Variants in PLCH1 observed in about 807,000 individuals in gnomAD.
The protein encoded by PLCH1 is 1-phosphatidylinositol 4,5-bisphosphate phosphodiesterase eta-1.
PLCH1 carries 60 observed loss-of-function variants against 126.7 expected under a neutral mutation model. That is an observed-to-expected ratio of 0.47 (90% CI 0.38 to 0.59). The LOEUF is 0.59. Ranked by LOEUF, PLCH1 falls within the 20% of genes least tolerant of loss-of-function variation. The pLI, the probability that PLCH1 is intolerant of heterozygous loss-of-function variation, is 0.00. For synonymous variants in PLCH1, 719 were observed against 734.9 expected (o/e 0.98, Z 0.35); for missense variants, 1,723 against 2,040.0 (o/e 0.84, Z 2.99).
chr3:155,729,436 G>C (rs112039981), intron 1 of PLCH1, among the ~76,000 whole-genome samples: 2,984 of 152,310 alleles, frequency 0.02, 58 homozygotes, highest in Non-Finnish European at 0.031. Context: ...TGGAGAGTGG[G>C]ATGTTGCAGC....
chr3:155,730,880 G>A (rs1257693215), intron 1 of PLCH1, among the ~76,000 whole-genome samples: 3 of 152,172 alleles, frequency 2.0e-5, no homozygotes, highest in African/African-American at 7.2e-5. Context: ...AGAAGATGGA[G>A]GTGAATAATG....
intron 2 of PLCH1, among the ~76,000 whole-genome samples, chr3:155,620,107 T>TA (rs1309040392): frequency 1.3e-5 from 2 of 152,268 alleles, no homozygotes; most frequent in East Asian, 3.9e-4. Flanking sequence ...AAATCGTTTT[T>TA]AAAAAATAGT....
At chr3:155,670,486 G>T (rs1452483947) in intron 2 of PLCH1, among the ~76,000 whole-genome samples, 1 of 152,154 alleles carries the variant, frequency 6.6e-6, no homozygotes, top group African/African-American at 2.4e-5. Context: ...CAGATCGATA[G>T]AAATAATCAT....
intron 2 of PLCH1, among the ~76,000 whole-genome samples, chr3:155,640,753 A>G (rs1279290283): frequency 6.6e-6 from 1 of 152,318 alleles, no homozygotes; most frequent in East Asian, 1.9e-4. Context: ...CCATGATTAT[A>G]TAATATATAT....
At position 155,497,618 on chromosome 3, in the gene PLCH1, C is replaced by G. The variant is rs140798532; in HGVS notation, c.1797-201G>C. 9.4e-3 allele frequency among the ~76,000 whole-genome samples: 1,428 copies of G among 152,346 alleles called. 11 individuals carry two copies. The highest frequency in any genetic ancestry group is 0.016 in the Non-Finnish European group (1,122 of 68,030). On this transcript the variant is annotated intron_variant, in intron 14 of 22. Transcript: ENST00000460012. ...ACAAAATCCTACTACAGTAGTCCCC[C>G]CTTATCCTCACTTTCCCTTTCCAGA...
At chr3:155,483,301 T>C in intron 22 of PLCH1, 3 of 1,319,792 alleles carry the variant, frequency 2.3e-6, no homozygotes, top group Non-Finnish European at 2.1e-6. Flanking sequence ...TAATATTCAT[T>C]GTCAAAAAAA....
intron 13 of PLCH1, 34 bp from the exon 14 acceptor site, chr3:155,500,828 C>T: frequency 7.5e-7 from 1 of 1,331,802 alleles, no homozygotes. Context: ...TTAACAAACT[C>T]ATTGTATCAA....
At chr3:155,631,122 C>T (rs1401258290) in intron 2 of PLCH1, among the ~76,000 whole-genome samples, 3 of 152,076 alleles carry the variant, frequency 2.0e-5, no homozygotes, top group African/African-American at 7.2e-5. Context: ...GTCACCTTTG[C>T]CTGACTTACA....
At chr3:155,624,744 G>T (rs974235643) in intron 2 of PLCH1, among the ~76,000 whole-genome samples, 1 of 152,096 alleles carries the variant, frequency 6.6e-6, no homozygotes, top group Non-Finnish European at 1.5e-5. Context: ...AATAAGACAG[G>T]ATACAAACAA....
intron 2 of PLCH1, among the ~76,000 whole-genome samples, chr3:155,661,107 G>A (rs1025497796): frequency 6.6e-5 from 10 of 152,210 alleles, no homozygotes; most frequent in African/African-American, 2.4e-4. Context: ...TGGTGGTCTA[G>A]TGGTTAGGAT....
chr3:155,687,975 T>C (rs1309052885), intron 2 of PLCH1, among the ~76,000 whole-genome samples: 1 of 152,186 alleles, frequency 6.6e-6, no homozygotes, highest in Admixed American at 6.5e-5. Flanking sequence ...TACCATACAG[T>C]GAAATCCTTA....
chr3:155,724,953 T>C lies in PLCH1; in HGVS notation c.-41+19887A>G, dbSNP rs539244891. Among the ~76,000 whole-genome samples the C allele has an allele frequency of 2.6e-4, 40 of 152,220 alleles. No individual in the cohort carries two copies. In the East Asian group the frequency reaches 7.3e-3, roughly 28 times the overall value. The stretch of plus-strand genomic sequence containing the variant: ...AAAATTTAGAGCTCCTTTTAGCAGT[T>C]CTTACTGTGCAGGCTTAGTAGTTGT... On this transcript the variant is annotated intron_variant, in intron 1 of 22. Transcript: ENST00000460012.
At chr3:155,568,936 T>C (rs1437921351) in intron 6 of PLCH1, among the ~76,000 whole-genome samples, 1 of 152,190 alleles carries the variant, frequency 6.6e-6, no homozygotes, top group African/African-American at 2.4e-5. Flanking sequence ...ATCACCTAGT[T>C]TATATTATTA....
At chr3:155,475,921 T>A (rs1713526047), downstream of PLCH1, among the ~76,000 whole-genome samples, 1 of 151,708 alleles carries the variant, frequency 6.6e-6, no homozygotes, top group Non-Finnish European at 1.5e-5. Flanking sequence ...CTCAAACTAT[T>A]CCAGAAAATA....
intron 3 of PLCH1, among the ~76,000 whole-genome samples, chr3:155,595,070 A>T (rs549760717): frequency 2.6e-5 from 4 of 152,322 alleles, no homozygotes; most frequent in African/African-American, 9.6e-5. Flanking sequence ...GCAGAAACAG[A>T]TATAGAAAGA....
At chr3:155,717,186 C>T (rs1357551313) in intron 1 of PLCH1, among the ~76,000 whole-genome samples, 1 of 152,270 alleles carries the variant, frequency 6.6e-6, no homozygotes, top group African/African-American at 2.4e-5. Context: ...TTGGGCAGCA[C>T]TGCCTCTATG....
In PLCH1 at chr3:155,593,974, T is replaced by C. The variant is rs1732554276; in HGVS notation, c.437A>G (p.Asp146Gly). 6.2e-7 allele frequency: 1 copy of C among 1,613,600 alleles called. No individual in the cohort carries two copies. Residue 146 changes from aspartate to glycine, a missense_variant, in exon 4 of 23, where the codon GAC becomes GGC. This residue lies in a region of PLCH1 where 776 missense variants were observed against 1,062.9 expected (regional missense o/e 0.73). Coordinates refer to ENST00000460012, the MANE Select transcript of PLCH1 (RefSeq NM_014996.4). ...KYLMAGISDE[D>G]SLAKRQRTHD... ...GGTCCTCTGCCTTTTGGCAAGGGAGTCTTCATCACTGATGCCAGCCATCAG... is the reference window on the plus strand; with the variant it reads ...GGTCCTCTGCCTTTTGGCAAGGGAGCCTTCATCACTGATGCCAGCCATCAG...
intron 2 of PLCH1, among the ~76,000 whole-genome samples, chr3:155,607,439 A>G (rs1734506135): frequency 1.3e-5 from 2 of 152,140 alleles, no homozygotes; most frequent in South Asian, 4.2e-4. Flanking sequence ...GTAAATAAAT[A>G]CAATGTTTAT....
At chr3:155,732,090 G>A (rs539686083) in intron 1 of PLCH1, among the ~76,000 whole-genome samples, 29 of 151,262 alleles carry the variant, frequency 1.9e-4, no homozygotes, top group South Asian at 6.2e-4. Flanking sequence ...TATGAACTGC[G>A]TGACAAAGAA....
Sources: allele counts gnomAD v4.1 joint callset (sites outside exome capture counted in the v4.1 genomes callset), GRCh38; gene constraint gnomAD v4.1.1; regional missense constraint gnomAD v4.1.1; transcripts MANE v1.5; gene names NCBI Gene and HGNC (gene_info 2026-07-23, HGNC 2026-07-21).